The following USF2 variants were observed in gnomAD, a reference collection of about 807,000 sequenced individuals.
USF2 encodes upstream transcription factor 2, c-fos interacting, also known as upstream stimulatory factor 2.
In USF2, 16 loss-of-function variants were observed where a neutral mutation model predicts 46.9. The ratio of observed to expected loss-of-function variants is 0.34; its 90% CI spans 0.23 to 0.52. The LOEUF is 0.52. USF2 is among the 20% of genes least tolerant of loss of function. The pLI is 0.96. For synonymous variants in USF2, 239 were observed against 194.1 expected, an observed-to-expected ratio of 1.23 and a Z score of -1.92; for missense variants, 411 against 474.0, an observed-to-expected ratio of 0.87 and a Z score of 1.23.
At chr19:35,270,420 G>A in intron 4 of USF2, 27 bp from the exon 5 acceptor site, 3 of 1,601,006 alleles carry the variant, frequency 1.9e-6, no homozygotes, top group Non-Finnish European at 2.6e-6. Context: ...GAAAGCTAAG[G>A]GTAGCCTCTG....
chr19:35,271,309 G>A (rs937274754), intron 7 of USF2, among the ~76,000 whole-genome samples, 168 bp downstream of exon 7: 1 of 152,206 alleles, frequency 6.6e-6, no homozygotes, highest in Non-Finnish European at 1.5e-5. Flanking sequence ...CGAGGGGAGA[G>A]TACAGTGTCA....
At chr19:35,278,565 C>A in intron 7 of USF2, 133 bp from the exon 8 acceptor site, 1 of 921,278 alleles carries the variant, frequency 1.1e-6, no homozygotes, top group Non-Finnish European at 1.7e-6. Flanking sequence ...CGGCCCCTCA[C>A]TTCCCAGGGC....
chr19:35,278,686 T>C lies in USF2; in HGVS notation c.728-12T>C. 6.2e-7 allele frequency: 1 copy of C among 1,614,012 alleles called. No individual in the cohort carries two copies. Among genetic ancestry groups the C allele is most frequent in the Non-Finnish European group, 8.5e-7 (1 of 1,179,882 alleles). ...GTCAGCGAAGCCGTGGCTGTGACTC[T>C]GTTTTCCGCAGTGGAGCGGAGGCGG... On this transcript the variant is annotated splice_polypyrimidine_tract_variant and intron_variant, in intron 7 of 9. Coordinates refer to ENST00000222305, the MANE Select transcript of USF2 (RefSeq NM_003367.4).
rs1405834717 is a variant in USF2, at chr19:35,279,086, G to A, written c.951+12G>A. 3 of 1,612,294 alleles carry A rather than the reference G, an allele frequency of 1.9e-6. No homozygotes were observed. Among genetic ancestry groups the A allele is most frequent in the African/African-American group, 1.3e-5 (1 of 74,996 alleles). ...TCCTGAGGCAGCAGGTGGGTGCGGG[G>A]CCTGGAGCGGGTCAGGGCCCAGGAG... On this transcript the variant is annotated intron_variant, in intron 9 of 9. Transcript: ENST00000222305.
Position 35,279,359 on chromosome 19 carries a change from G to GT in USF2, c.*110dup. 1 of 1,238,928 alleles carries GT rather than the reference G, an allele frequency of 8.1e-7. No individual in the cohort carries two copies. The allele number at this position is 1,238,928 out of a possible 1,614,324, so 76.7% of individuals were successfully genotyped here. On this transcript the variant is annotated 3_prime_UTR_variant, in exon 10 of 10. Coordinates refer to ENST00000222305, the MANE Select transcript of USF2 (RefSeq NM_003367.4). ...GGACACATGCCCCTCCCCCAGCTGC[G>GT]TTTTTTTATAGTAGATTTTTAACAA...
intron 7 of USF2, chr19:35,278,447 A>C (rs1222561534): frequency 8.5e-6 from 4 of 472,292 alleles, no homozygotes; most frequent in African/African-American, 8.0e-5. Context: ...ATGATCTCCA[A>C]GTGCCTGGCC....
chr19:35,269,547 G>A (rs1285985612), intron 2 of USF2, 34 bp from the exon 3 acceptor site: 13 of 1,561,300 alleles, frequency 8.3e-6, no homozygotes, highest in African/African-American at 1.4e-5. Context: ...GCTCGGCGCG[G>A]CCCTGACCGT....
At position 35,279,008 on chromosome 19, in the gene USF2, G is replaced by C; in HGVS notation, c.885G>C (p.Gln295His). Residue 295 changes from glutamine to histidine, a missense_variant, in exon 9 of 10, where the codon CAG (glutamine) becomes CAC (histidine). Gln to His is a conservative substitution (Grantham distance 24). Around this residue, in one of 2 missense-constraint regions of USF2, gnomAD observed 93 missense variants for 151.6 expected, o/e 0.61. Transcript: ENST00000222305. ...DYIRELRQTN[Q>H]RMQETFKEAE... ...TCCGGGAGTTGCGCCAGACCAACCA[G>C]CGCATGCAGGAGACCTTCAAAGAGG... 6.3e-7 allele frequency: 1 copy of C among 1,576,352 alleles called. No homozygotes were observed. Among genetic ancestry groups the C allele is most frequent in the Non-Finnish European group, 8.6e-7 (1 of 1,160,290 alleles).
rs1389541521 is a variant in USF2, at chr19:35,270,523, A to G, written c.506A>G (p.Tyr169Cys). 8 of 1,614,016 alleles carry G rather than the reference A, an allele frequency of 5.0e-6. No individual in the cohort carries two copies. The highest frequency in any genetic ancestry group is 1.7e-5 in the Admixed American group (1 of 60,002). Reference protein sequence around the residue: ...EAVSGEARFAYFPASSVGDTT... With the variant: ...EAVSGEARFACFPASSVGDTT... ...GTCAGCGGGGAGGCACGATTTGCCT[A>G]TTTCCCAGCGTCCAGTGTGGGAGAT... Residue 169 changes from tyrosine (Y) to cysteine (C), a missense_variant, in exon 5 of 10, where the codon TAT (tyrosine) becomes TGT (cysteine). This residue lies in a region of USF2 where 318 missense variants were observed against 322.4 expected (regional missense o/e 0.99). Coordinates refer to ENST00000222305, the MANE Select transcript of USF2 (RefSeq NM_003367.4).
intron 7 of USF2, chr19:35,278,442 C>T (rs1376721957): frequency 2.2e-6 from 1 of 460,684 alleles, no homozygotes; most frequent in African/African-American, 2.0e-5. Context: ...GCAAAATGAT[C>T]TCCAAGTGCC....
rs1185975968 is a variant in USF2 at position 35,271,094 on chromosome 19, G to T, written c.680G>T (p.Gly227Val). 1 of 1,613,844 alleles carries T rather than the reference G, an allele frequency of 6.2e-7. No individual in the cohort carries two copies. The highest frequency in any genetic ancestry group is 8.5e-7 in the Non-Finnish European group (1 of 1,179,958). The change falls in exon 7 of 10, where the codon GGA becomes GTA. Residue 227 changes from glycine to valine, a missense_variant. Coordinates refer to ENST00000222305, the MANE Select transcript of USF2 (RefSeq NM_003367.4). The stretch of plus-strand genomic sequence containing the variant: ...TCCTCCTCTTGTAGAAAAATTGATG[G>T]AACCAGAACACCCCGAGATGAGAGG... ...RTHPYSPKID[G>V]TRTPRDERRR... is the part of the protein sequence containing the mutation.
chr19:35,277,645 C>T (rs539598217), intron 7 of USF2: 300 of 152,398 alleles, frequency 2.0e-3, no homozygotes, highest in Non-Finnish European at 2.9e-3. Context: ...CTTCCTGCCA[C>T]ATGTGCCCTA....
rs1453885021 is a variant in USF2 at position 35,279,057 on chromosome 19, G to A, written c.934G>A (p.Glu312Lys). 17 of 1,600,988 alleles carry A rather than the reference G, an allele frequency of 1.1e-5. No homozygotes were observed. Among genetic ancestry groups the A allele is most frequent in the Middle Eastern group, 1.7e-4 (1 of 5,980 alleles). ...GGCCGAGCGGCTGCAGATGGACAAC[G>A]AGCTCCTGAGGCAGCAGGTGGGTGC... ...KEAERLQMDN[E>K]LLRQQIEELK... is the part of the protein sequence containing the mutation. Residue 312 changes from glutamate (E) to lysine (K), a missense_variant, in exon 9 of 10, where the codon GAG (glutamate) becomes AAG (lysine). Physicochemically the swap from Glu to Lys is moderately conservative, Grantham distance 56. This residue lies in a region of USF2 where 93 missense variants were observed against 151.6 expected (regional missense o/e 0.61). Transcript: ENST00000222305.
At position 35,270,137 on chromosome 19, in the gene USF2, G is replaced by T. The variant is rs1474886812; in HGVS notation, c.429+134G>T. 1.6e-5 allele frequency: 18 copies of T among 1,101,812 alleles called. No homozygotes were observed. The South Asian group carries it at 3.3e-4, about 20-fold the overall frequency. 68.3% of individuals were successfully genotyped at this position (1,101,812 alleles called of 1,614,324 possible). On this transcript the variant is annotated intron_variant, in intron 4 of 9. Transcript: ENST00000222305. ...GCCTTCAGGCCTCAGGCTGCATGGG[G>T]CCAGATCCCTGTTGTGCACCGTGAA...
At chr19:35,270,879 C>T (rs992772890) in intron 6 of USF2, 74 bp downstream of exon 6, 4 of 1,575,768 alleles carry the variant, frequency 2.5e-6, no homozygotes, top group East Asian at 2.2e-5. Flanking sequence ...AGAAGCTGGG[C>T]AGTTAGCATG....
rs73030002 is a variant in USF2, at chr19:35,279,816, C to T, written c.*560C>T. ...TAAACTGGCCCCATGTGGCCCCCGC[C>T]TTGTCTGCTTGTGTGTTTGTCCATC... On this transcript the variant is annotated 3_prime_UTR_variant, in exon 10 of 10. Coordinates refer to ENST00000222305, the MANE Select transcript of USF2 (RefSeq NM_003367.4). 3.3e-5 allele frequency: 5 copies of T among 152,766 alleles called. No individual in the cohort carries two copies. The highest frequency in any genetic ancestry group is 1.2e-4 in the African/African-American group (5 of 41,406). The allele number at this position is 152,766 out of a possible 1,614,324, so 9.5% of individuals were successfully genotyped here. A position where few individuals can be genotyped will look rare whatever the true frequency, so the allele number is the denominator to read the frequency against.
chr19:35,270,990 G>A (rs572295591), intron 6 of USF2, 93 bp from the exon 7 acceptor site: 5 of 1,543,674 alleles, frequency 3.2e-6, no homozygotes, highest in Non-Finnish European at 4.5e-6. Context: ...GATTTACCTT[G>A]CAAAGATAAT....
intron 4 of USF2, 24 bp downstream of exon 4, chr19:35,270,027 T>TGGG (rs150053370): frequency 7.8e-7 from 1 of 1,281,452 alleles, no homozygotes; most frequent in African/African-American, 1.6e-5. Context: ...CACCCCTGGG[T>TGGG]GGGGGGGGGA....
At position 35,270,408 on chromosome 19, in the gene USF2, G is replaced by A. The variant is rs752500741; in HGVS notation, c.430-39G>A. 4 of 1,592,036 alleles carry A rather than the reference G, an allele frequency of 2.5e-6. No individual in the cohort carries two copies. In the Admixed American group the frequency reaches 5.1e-5, roughly 20 times the overall value. ...AATGAGGGGACGGGATGGAGGAACAGAGAAAGCTAAGGGTAGCCTCTGCCC... is the reference window on the plus strand; with the variant it reads ...AATGAGGGGACGGGATGGAGGAACAAAGAAAGCTAAGGGTAGCCTCTGCCC... On this transcript the variant is annotated intron_variant, in intron 4 of 9. Coordinates refer to ENST00000222305, the MANE Select transcript of USF2 (RefSeq NM_003367.4).
Sources: allele counts gnomAD v4.1 joint callset (sites outside exome capture counted in the v4.1 genomes callset), GRCh38; gene constraint gnomAD v4.1.1; regional missense constraint gnomAD v4.1.1; transcripts MANE v1.5; gene names NCBI Gene and HGNC (gene_info 2026-07-23, HGNC 2026-07-21).